The following SUPT6H variants were observed in gnomAD, a reference collection of about 807,000 sequenced individuals.
SUPT6H encodes SPT6 homolog, histone chaperone and transcription elongation factor, also known as transcription elongation factor SPT6.
In SUPT6H, 11 loss-of-function variants were observed where a neutral mutation model predicts 222.3. The observed-to-expected ratio is 0.05, with a 90% CI of 0.03 to 0.08. The LOEUF (loss-of-function observed/expected upper bound fraction) is 0.08. Among genes scored for constraint, SUPT6H ranks in the 10% least tolerant of loss-of-function variants. The pLI is 1.00. For synonymous variants in SUPT6H, 762 were observed against 801.2 expected (o/e 0.95, Z 0.83); for missense variants, 1,422 against 2,216.0 (o/e 0.64, Z 7.19).
chr17:28,699,194 C>G (rs1168922676), intron 32 of SUPT6H, among the ~76,000 whole-genome samples: 1 of 152,132 alleles, frequency 6.6e-6, no homozygotes, highest in Non-Finnish European at 1.5e-5. Context: ...ATCCTCACAC[C>G]CACCCCATAG....
At position 28,689,513 on chromosome 17, in the gene SUPT6H, A is replaced by G. The variant is rs768274736; in HGVS notation, c.3294A>G (p.Arg1098=). The change falls in exon 25 of 37, where the codon CGA becomes CGG. Residue 1098 remains arginine (R), a synonymous_variant. Coordinates refer to ENST00000314616, the MANE Select transcript of SUPT6H (RefSeq NM_003170.5). ...ALEEILENPE[R]LKDLDLDAFA... ...AAGAAATCTTGGAAAACCCAGAGCG[A>G]CTGAAAGACCTGGACCTTGATGCCT... 56 of 1,614,100 alleles carry G rather than the reference A, an allele frequency of 3.5e-5. No homozygotes were observed. The highest frequency in any genetic ancestry group is 4.5e-5 in the Non-Finnish European group (53 of 1,180,046).
At chr17:28,698,234 C>T (rs2032004575) in intron 32 of SUPT6H, among the ~76,000 whole-genome samples, 1 of 152,202 alleles carries the variant, frequency 6.6e-6, no homozygotes, top group South Asian at 2.1e-4. Flanking sequence ...AAGAAGGGCG[C>T]TTTCCTTAAC....
chr17:28,678,729 T>A (rs1217723433), intron 10 of SUPT6H, 92 bp from the exon 11 acceptor site: 2 of 1,610,426 alleles, frequency 1.2e-6, no homozygotes, highest in African/African-American at 2.7e-5. Context: ...GCCTGTCTAG[T>A]CCTCCCCCAC....
In SUPT6H at chr17:28,678,772, G is replaced by A. The variant is rs770288215; in HGVS notation, c.1207-49G>A. 11 of 1,613,758 alleles carry A rather than the reference G, an allele frequency of 6.8e-6. No homozygotes were observed. In the South Asian group the frequency reaches 9.9e-5, roughly 15 times the overall value. On this transcript the variant is annotated intron_variant, in intron 10 of 36. Transcript: ENST00000314616. ...CTGGTAAGGATCAGAGCAGCCTTGAGTCTCCAGGGCTGAACACAAGCTCTC... is the reference window on the plus strand; with the variant it reads ...CTGGTAAGGATCAGAGCAGCCTTGAATCTCCAGGGCTGAACACAAGCTCTC...
In SUPT6H at chr17:28,678,176, G is replaced by A. The variant is rs139829294; in HGVS notation, c.1100G>A (p.Arg367Gln). The A allele has an allele frequency of 6.8e-6, 11 of 1,608,024 alleles. No individual in the cohort carries two copies. The highest frequency in any genetic ancestry group is 1.7e-5 in the Admixed American group (1 of 57,704). The change falls in exon 9 of 37, where the codon CGA (arginine) becomes CAA (glutamine). Residue 367 changes from arginine to glutamine, a missense_variant. By Grantham distance (43) the Arg-to-Gln change is conservative. This residue lies in a region of SUPT6H where 389 missense variants were observed against 544.6 expected (regional missense o/e 0.71). Transcript: ENST00000314616. ...QKIKEALGFM[R>Q]NQHFEVPFIA... ...ATCAAAGAGGCCCTGGGCTTCATGC[G>A]AAATCAGCATTTTGAGGTAACACCT...
chr17:28,681,183 G>A lies in SUPT6H; in HGVS notation c.1350-73G>A. ...TTGGGATACTGCCTTTTGGGAATTGGACCTCTTGTAGCCAAATTGGGATAT... is the reference window on the plus strand; with the variant it reads ...TTGGGATACTGCCTTTTGGGAATTGAACCTCTTGTAGCCAAATTGGGATAT... On this transcript the variant is annotated intron_variant, in intron 11 of 36. Coordinates refer to ENST00000314616, the MANE Select transcript of SUPT6H (RefSeq NM_003170.5). 1.9e-6 allele frequency: 3 copies of A among 1,566,118 alleles called. No homozygotes were observed. The East Asian group carries it at 6.8e-5, about 35-fold the overall frequency.
At chr17:28,676,093 C>G in intron 6 of SUPT6H, 64 bp from the exon 7 acceptor site, 1 of 1,516,724 alleles carries the variant, frequency 6.6e-7, no homozygotes, top group Non-Finnish European at 8.8e-7. Flanking sequence ...AGGATCTATG[C>G]AAGGGCTGCA....
At position 28,688,072 on chromosome 17, in the gene SUPT6H, G is replaced by A. The variant is rs770468267; in HGVS notation, c.3007-19G>A. Reference sequence around the variant, plus strand: ...GGGGCCTGCTTACTGCCCTGGCTCAGTCCAGCTCTCTCCCCCAGATCCTGA... The same window carrying A: ...GGGGCCTGCTTACTGCCCTGGCTCAATCCAGCTCTCTCCCCCAGATCCTGA... On this transcript the variant is annotated intron_variant, in intron 23 of 36. Transcript: ENST00000314616. This position sits in a 1 kb window ranked among gnomAD's most constrained non-coding sequence, Gnocchi z 4.3. 6.2e-7 allele frequency: 1 copy of A among 1,603,380 alleles called. No individual in the cohort carries two copies. Among genetic ancestry groups the A allele is most frequent in the Non-Finnish European group, 8.5e-7 (1 of 1,173,624 alleles).
chr17:28,683,444 C>T (rs1266344223), intron 16 of SUPT6H, 22 bp downstream of exon 16: 14 of 1,612,716 alleles, frequency 8.7e-6, no homozygotes, highest in East Asian at 4.5e-5. Context: ...CCTGGGCTGG[C>T]GACTCTCTGG....
chr17:28,699,684 C>T, intron 32 of SUPT6H, 97 bp from the exon 33 acceptor site: 1 of 1,002,326 alleles, frequency 1.0e-6, no homozygotes, highest in Non-Finnish European at 1.6e-6. Flanking sequence ...TCCCCTAGCA[C>T]CCAGAATGGC....
In SUPT6H at chr17:28,674,583, G is replaced by A. The variant is rs933544217; in HGVS notation, c.315G>A (p.Glu105=). The change falls in exon 4 of 37, where the codon GAG becomes GAA. Residue 105 remains glutamate, a synonymous_variant. Coordinates refer to ENST00000314616, the MANE Select transcript of SUPT6H (RefSeq NM_003170.5). ...RLEDDDFDLI[E]ENLGVKVKRG... is the part of the protein sequence containing the mutation. Reference sequence around the variant, plus strand: ...AGGATGATGATTTTGACCTCATTGAGGAGAATTTGGGTGTCAAAGTCAAAA... The same window carrying A: ...AGGATGATGATTTTGACCTCATTGAAGAGAATTTGGGTGTCAAAGTCAAAA... 6.2e-6 allele frequency: 10 copies of A among 1,614,136 alleles called. No homozygotes were observed. The highest frequency in any genetic ancestry group is 8.5e-6 in the Non-Finnish European group (10 of 1,180,016).
intron 16 of SUPT6H, 51 bp from the exon 17 acceptor site, chr17:28,683,570 G>A: frequency 6.3e-7 from 1 of 1,596,288 alleles, no homozygotes; most frequent in Non-Finnish European, 8.6e-7. Context: ...ATGGACATTG[G>A]GTGTCACCTT....
Position 28,700,969 on chromosome 17 carries a change from T to C in SUPT6H, c.4835T>C (p.Val1612Ala). 6.2e-7 allele frequency: 1 copy of C among 1,613,180 alleles called. No individual in the cohort carries two copies. The highest frequency in any genetic ancestry group is 8.5e-7 in the Non-Finnish European group (1 of 1,179,344). ...HVFPTPAQQPVATPLMTPSYS... is the reference protein window; with the variant it reads ...HVFPTPAQQPAATPLMTPSYS... ...TTCCCAACGCCAGCCCAGCAGCCAGTGGCCACACCACTAATGACCCCTAGC... is the reference window on the plus strand; with the variant it reads ...TTCCCAACGCCAGCCCAGCAGCCAGCGGCCACACCACTAATGACCCCTAGC... Residue 1612 changes from valine (V) to alanine (A), a missense_variant, in exon 36 of 37, where the codon GTG becomes GCG. Val to Ala is a moderately conservative substitution (Grantham distance 64). This residue lies in a region of SUPT6H where 395 missense variants were observed against 580.6 expected (regional missense o/e 0.68). Transcript: ENST00000314616.
intron 1 of SUPT6H, among the ~76,000 whole-genome samples, chr17:28,664,462 G>A (rs2029902529): frequency 6.6e-6 from 1 of 152,208 alleles, no homozygotes; most frequent in African/African-American, 2.4e-5. Context: ...CAGAGATCAT[G>A]CCACTGCACT....
At chr17:28,693,185 G>A (rs1284980230) in intron 27 of SUPT6H, among the ~76,000 whole-genome samples, 1 of 152,068 alleles carries the variant, frequency 6.6e-6, no homozygotes, top group Non-Finnish European at 1.5e-5. Flanking sequence ...AGATGGCTAG[G>A]TGTGGTGGCT....
At chr17:28,689,324 T>G in intron 24 of SUPT6H, 30 bp from the exon 25 acceptor site, 10 of 1,611,306 alleles carry the variant, frequency 6.2e-6, no homozygotes, top group Non-Finnish European at 8.5e-6. Flanking sequence ...TATCGTTCTA[T>G]ATCCTGTTCC....
intron 1 of SUPT6H, among the ~76,000 whole-genome samples, chr17:28,669,694 G>A (rs1021948476): frequency 7.2e-5 from 11 of 152,156 alleles, no homozygotes; most frequent in South Asian, 2.1e-4. Context: ...CAGCACTTTG[G>A]GAGGCCAAGG....
At chr17:28,665,653 C>T (rs888857495) in intron 1 of SUPT6H, among the ~76,000 whole-genome samples, 2 of 152,070 alleles carry the variant, frequency 1.3e-5, no homozygotes, top group Non-Finnish European at 2.9e-5. Flanking sequence ...ATCCCAGCTA[C>T]TTGGGAGGCT....
rs1367818326 is a variant in SUPT6H, at chr17:28,677,822, CA to C, written c.999+12del. The C allele has an allele frequency of 1.2e-6, 2 of 1,610,676 alleles. No individual in the cohort carries two copies. The highest frequency in any genetic ancestry group is 1.7e-6 in the Non-Finnish European group (2 of 1,178,106). ...CACCAACCATTTCTCTCCAGGTACACAAAAAAGATCCTTAGGTTTTGACATG... is the reference window on the plus strand; with the variant it reads ...CACCAACCATTTCTCTCCAGGTACACAAAAAGATCCTTAGGTTTTGACATG... On this transcript the variant is annotated splice_region_variant and intron_variant, in intron 8 of 36. Transcript: ENST00000314616.
Sources: allele counts gnomAD v4.1 joint callset (sites outside exome capture counted in the v4.1 genomes callset), GRCh38; gene constraint gnomAD v4.1.1; regional missense constraint gnomAD v4.1.1; non-coding constraint Gnocchi (gnomAD v3.1); transcripts MANE v1.5; gene names NCBI Gene and HGNC (gene_info 2026-07-23, HGNC 2026-07-21).